ROBO2: variants seen among roughly 807,000 people sequenced by gnomAD.
ROBO2 encodes roundabout homolog 2.
A neutral mutation model predicts 160.8 loss-of-function variants in ROBO2; 53 were observed. The ratio of observed to expected loss-of-function variants is 0.33; its 90% confidence interval spans 0.26 to 0.41. The LOEUF is 0.41. ROBO2 is among the 10% of genes least tolerant of loss of function. The pLI is 1.00. For missense variants in ROBO2, 1,577 were observed against 1,722.4 expected (o/e 0.92, Z 1.49); for synonymous variants, 664 against 611.7 (o/e 1.09, Z -1.26).
intron 2 of ROBO2, among the ~76,000 whole-genome samples, chr3:76,326,568 G>A (rs1012493627): frequency 1.3e-5 from 2 of 151,760 alleles, no homozygotes; most frequent in African/African-American, 2.4e-5. Context: ...TGCATATACC[G>A]AATGAAAAAT....
intron 6 of ROBO2, among the ~76,000 whole-genome samples, chr3:77,530,593 G>GA (rs2091622215): frequency 6.6e-6 from 1 of 152,008 alleles, no homozygotes; most frequent in Non-Finnish European, 1.5e-5. Flanking sequence ...GCCAACAGAG[G>GA]AAAGTGTTTT....
intron 2 of ROBO2, among the ~76,000 whole-genome samples, chr3:77,165,540 A>G (rs1431740889): frequency 7.0e-6 from 1 of 142,432 alleles, no homozygotes; most frequent in Non-Finnish European, 1.6e-5. Flanking sequence ...TCTGTGAGAA[A>G]CACCCAAGAA....
At chr3:76,159,141 C>A (rs1033103441) in intron 2 of ROBO2, among the ~76,000 whole-genome samples, 2 of 152,092 alleles carry the variant, frequency 1.3e-5, no homozygotes, top group African/African-American at 4.8e-5. Context: ...CATTTATAAC[C>A]AATTAACTTA....
At chr3:76,241,192 C>A (rs1307141716) in intron 2 of ROBO2, among the ~76,000 whole-genome samples, 1 of 152,142 alleles carries the variant, frequency 6.6e-6, no homozygotes, top group East Asian at 1.9e-4. Context: ...GTTTACTGGC[C>A]TTTCTAAAAC....
chr3:77,346,382 TG>T (rs2067636935), intron 2 of ROBO2, among the ~76,000 whole-genome samples: 1 of 152,158 alleles, frequency 6.6e-6, no homozygotes, highest in African/African-American at 2.4e-5. Flanking sequence ...ACCTTCTCCC[TG>T]GGTCCAGTTT....
At chr3:76,256,370 A>G (rs1706387424) in intron 2 of ROBO2, among the ~76,000 whole-genome samples, 1 of 149,054 alleles carries the variant, frequency 6.7e-6, no homozygotes, top group African/African-American at 2.5e-5. Flanking sequence ...ACACACACAC[A>G]CACACACGCA....
chr3:77,270,043 T>G (rs1233720036), intron 2 of ROBO2, among the ~76,000 whole-genome samples: 1 of 152,194 alleles, frequency 6.6e-6, no homozygotes, highest in African/African-American at 2.4e-5. Context: ...CAAATGAAGA[T>G]TAAGAGAATA....
chr3:76,575,629 A>G (rs1294483294), intron 2 of ROBO2, among the ~76,000 whole-genome samples: 2 of 152,118 alleles, frequency 1.3e-5, no homozygotes, highest in Non-Finnish European at 2.9e-5. Flanking sequence ...CTTGTTCTCT[A>G]TAGAAAGACA....
At chr3:76,553,445 G>C (rs1427565323) in intron 2 of ROBO2, among the ~76,000 whole-genome samples, 1 of 152,150 alleles carries the variant, frequency 6.6e-6, no homozygotes, top group Non-Finnish European at 1.5e-5. Context: ...TGTGAACTTA[G>C]AGTTTCAGTG....
chr3:77,392,290 C>A (rs2153501954), intron 2 of ROBO2, among the ~76,000 whole-genome samples: 1 of 152,284 alleles, frequency 6.6e-6, no homozygotes, highest in South Asian at 2.1e-4. Context: ...TAATGTTCTT[C>A]ATTTGTGCAA....
chr3:76,721,204 T>A (rs2093460086), intron 2 of ROBO2, among the ~76,000 whole-genome samples: 1 of 152,196 alleles, frequency 6.6e-6, no homozygotes, highest in African/African-American at 2.4e-5. Context: ...AGTATTTCAG[T>A]GGTAAAATTA....
chr3:77,142,739 G>T (rs2076806149), intron 2 of ROBO2, among the ~76,000 whole-genome samples: 1 of 151,828 alleles, frequency 6.6e-6, no homozygotes, highest in Non-Finnish European at 1.5e-5. Flanking sequence ...TTTAAAGGGA[G>T]CCCTCTAGAG....
intron 2 of ROBO2, among the ~76,000 whole-genome samples, chr3:76,406,999 T>TG (rs1366697256): frequency 6.2e-5 from 7 of 113,212 alleles, no homozygotes; most frequent in Admixed American, 4.6e-4. Flanking sequence ...CCTGAGTTGT[T>TG]TTTTTTTTTT....
chr3:76,450,998 C>CA (rs1235475809), intron 2 of ROBO2, among the ~76,000 whole-genome samples: 2 of 152,128 alleles, frequency 1.3e-5, no homozygotes. Flanking sequence ...TTAACGTCCA[C>CA]AGTGGCCGCA....
chr3:76,198,378 T>G (rs1036184790), intron 2 of ROBO2, among the ~76,000 whole-genome samples: 1 of 152,156 alleles, frequency 6.6e-6, no homozygotes, highest in Non-Finnish European at 1.5e-5. Flanking sequence ...ACTGACAAAA[T>G]AGACTCTGCA....
At chr3:77,295,641 C>G (rs1208719603) in intron 2 of ROBO2, among the ~76,000 whole-genome samples, 4 of 94,176 alleles carry the variant, frequency 4.2e-5, no homozygotes, top group Non-Finnish European at 1.0e-4. Flanking sequence ...AACGGGTAAG[C>G]TGAGGCTAGA....
chr3:76,567,558 T>G (rs1427139245), intron 2 of ROBO2, among the ~76,000 whole-genome samples: 2 of 142,160 alleles, frequency 1.4e-5, no homozygotes, highest in African/African-American at 2.6e-5. Flanking sequence ...GGTTTCTTAC[T>G]GCTACATAGG....
intron 2 of ROBO2, among the ~76,000 whole-genome samples, chr3:76,394,110 C>A (rs978716650): frequency 6.6e-6 from 1 of 152,102 alleles, no homozygotes; most frequent in Non-Finnish European, 1.5e-5. Flanking sequence ...TTAATTGTAG[C>A]ATTTCGTCCA....
At chr3:76,654,980 A>G (rs2091436903) in intron 2 of ROBO2, among the ~76,000 whole-genome samples, 1 of 149,898 alleles carries the variant, frequency 6.7e-6, no homozygotes, top group Non-Finnish European at 1.5e-5. Context: ...AAAAGTAAAG[A>G]TACCTTAATA....
Sources: gnomAD v4.1 joint callset for allele counts (sites outside exome capture counted in the v4.1 genomes callset) on GRCh38, gnomAD v4.1.1 for gene constraint, MANE v1.5 for transcripts, NCBI Gene and HGNC (gene_info 2026-07-23, HGNC 2026-07-21) for gene names.